The following COL24A1 variants were observed in gnomAD, a reference collection of about 807,000 sequenced individuals.
COL24A1 encodes collagen alpha-1(XXIV) chain.
Under a neutral mutation model 253.9 loss-of-function variants are expected in COL24A1, and 224 were observed. The ratio of observed to expected loss-of-function variants is 0.88; its 90% CI spans 0.79 to 0.99. The LOEUF is 0.99. Among genes scored for constraint, COL24A1 ranks in the 50% least tolerant of loss-of-function variants. The pLI is 0.00. For synonymous variants in COL24A1, 685 were observed against 673.7 expected, an observed-to-expected ratio of 1.02 and a Z score of -0.26; for missense variants, 2,131 against 2,068.5, an observed-to-expected ratio of 1.03 and a Z score of -0.59.
At chr1:85,827,748 T>G (rs1167697118) in intron 43 of COL24A1, among the ~76,000 whole-genome samples, 2 of 152,138 alleles carry the variant, frequency 1.3e-5, no homozygotes, top group Admixed American at 6.6e-5. Context: ...GTAGTTTGTA[T>G]TTCTGTGGGA....
At chr1:85,882,216 G>C (rs986073014) in intron 32 of COL24A1, among the ~76,000 whole-genome samples, 3 of 152,062 alleles carry the variant, frequency 2.0e-5, no homozygotes, top group African/African-American at 7.2e-5. Flanking sequence ...AGTGGCTCAC[G>C]CTTGTAATCC....
At chr1:85,823,474 G>A (rs1673872025) in intron 45 of COL24A1, 62 bp downstream of exon 45, 10 of 1,458,904 alleles carry the variant, frequency 6.9e-6, no homozygotes, top group Middle Eastern at 2.0e-4. Context: ...AACTCCTTGT[G>A]CTCCTGCTTT....
At chr1:86,122,819 CG>C (rs1401666349) in intron 3 of COL24A1, among the ~76,000 whole-genome samples, 1 of 151,976 alleles carries the variant, frequency 6.6e-6, no homozygotes, top group African/African-American at 2.4e-5. Flanking sequence ...ACAGAAACTT[CG>C]TATCCTGGAC....
intron 39 of COL24A1, among the ~76,000 whole-genome samples, chr1:85,845,235 T>C (rs190892385): frequency 2.6e-5 from 4 of 151,966 alleles, no homozygotes; most frequent in African/African-American, 9.6e-5. Context: ...TGAAGGAATT[T>C]TCTTATATTT....
At chr1:86,124,266 T>A (rs1413116209) in intron 3 of COL24A1, among the ~76,000 whole-genome samples, 2 of 151,978 alleles carry the variant, frequency 1.3e-5, no homozygotes, top group African/African-American at 4.8e-5. Flanking sequence ...TGGTTCTTTT[T>A]GTGTTAGGCA....
chr1:85,984,461 A>G (rs1367716789), intron 20 of COL24A1, among the ~76,000 whole-genome samples: 2 of 151,788 alleles, frequency 1.3e-5, no homozygotes, highest in Non-Finnish European at 3.0e-5. Context: ...GAGGGATGAG[A>G]GTTTAGAAAT....
chr1:85,941,965 T>C (rs1297264461), intron 24 of COL24A1, among the ~76,000 whole-genome samples: 5 of 152,266 alleles, frequency 3.3e-5, no homozygotes, highest in Non-Finnish European at 7.4e-5. Flanking sequence ...CAGCATAAAT[T>C]AGATGCTGGT....
intron 22 of COL24A1, among the ~76,000 whole-genome samples, chr1:85,967,112 G>A (rs997109775): frequency 4.6e-5 from 7 of 152,092 alleles, no homozygotes; most frequent in African/African-American, 1.4e-4. Flanking sequence ...AAAATGGCCT[G>A]TTCATCCACA....
At chr1:86,099,939 A>ATTT (rs1704303317) in intron 5 of COL24A1, among the ~76,000 whole-genome samples, 3 of 151,688 alleles carry the variant, frequency 2.0e-5, no homozygotes, top group South Asian at 2.1e-4. Context: ...CTTTTTTTTA[A>ATTT]AATTTTATTA....
At chr1:86,097,466 T>C (rs868354118) in intron 5 of COL24A1, among the ~76,000 whole-genome samples, 1 of 31,614 alleles carries the variant, frequency 3.2e-5, no homozygotes, top group African/African-American at 9.8e-5. Context: ...TCTTCCTCCC[T>C]CCTCCTCCTC....
At chr1:85,782,958 A>T (rs530703526) in intron 51 of COL24A1, among the ~76,000 whole-genome samples, 1 of 152,368 alleles carries the variant, frequency 6.6e-6, no homozygotes, top group Admixed American at 6.5e-5. Context: ...TCCTATTTAT[A>T]TTCTCTACAA....
intron 35 of COL24A1, among the ~76,000 whole-genome samples, chr1:85,870,837 C>T (rs1479986824): frequency 2.6e-5 from 4 of 151,910 alleles, no homozygotes; most frequent in African/African-American, 2.4e-5. Flanking sequence ...AGGCAAGAAA[C>T]AACTAAGATC....
intron 47 of COL24A1, among the ~76,000 whole-genome samples, chr1:85,791,788 T>C (rs1311783389): frequency 6.6e-6 from 1 of 152,128 alleles, no homozygotes; most frequent in Non-Finnish European, 1.5e-5. Flanking sequence ...CAGGCCAATA[T>C]TAACAGCATT....
At chr1:85,877,957 T>C (rs768325242) in intron 32 of COL24A1, among the ~76,000 whole-genome samples, 3 of 152,190 alleles carry the variant, frequency 2.0e-5, no homozygotes, top group Non-Finnish European at 4.4e-5. Context: ...AAGAGTGTCA[T>C]ATAGTTGGAA....
At chr1:85,979,701 CA>C (rs71078632) in intron 20 of COL24A1, among the ~76,000 whole-genome samples, 105,642 of 143,586 alleles carry the variant, frequency 0.74, 38,787 homozygotes, top group African/African-American at 0.85. Context: ...TAAAAACTGC[CA>C]AAAAAAAAAA....
intron 47 of COL24A1, among the ~76,000 whole-genome samples, chr1:85,786,789 T>C (rs1241684888): frequency 4.6e-5 from 7 of 152,214 alleles, no homozygotes; most frequent in Non-Finnish European, 2.9e-5. Flanking sequence ...TGTATTATAC[T>C]CTGGTGTACA....
At chr1:86,069,810 G>C (rs185181313) in intron 7 of COL24A1, among the ~76,000 whole-genome samples, 258 of 152,288 alleles carry the variant, frequency 1.7e-3, no homozygotes, top group Non-Finnish European at 2.6e-3. Flanking sequence ...TATTGGGCTT[G>C]GGGCCCAAGT....
At chr1:85,761,625 C>A in intron 53 of COL24A1, 59 bp from the exon 54 acceptor site, 1 of 1,543,108 alleles carries the variant, frequency 6.5e-7, no homozygotes, top group Non-Finnish European at 9.0e-7. Context: ...TGGGTATAAG[C>A]AAGATAACTA....
At chr1:86,022,156 C>A (rs533993876) in intron 18 of COL24A1, 84 bp downstream of exon 18, 1 of 1,177,350 alleles carries the variant, frequency 8.5e-7, no homozygotes, top group African/African-American at 1.5e-5. Flanking sequence ...AGGCTTATAC[C>A]CTACTTAGAT....
Sources: gnomAD v4.1 joint callset for allele counts (sites outside exome capture counted in the v4.1 genomes callset) on GRCh38, gnomAD v4.1.1 for gene constraint, MANE v1.5 for transcripts, NCBI Gene and HGNC (gene_info 2026-07-23, HGNC 2026-07-21) for gene names.